Variants in LEKR1 observed in about 807,000 individuals in gnomAD.
LEKR1 encodes leucine, glutamate and lysine rich 1, also known as protein LEKR1.
In LEKR1, 59 loss-of-function variants were observed where a neutral mutation model predicts 72.4. The ratio of observed to expected loss-of-function variants is 0.82; its 90% confidence interval spans 0.66 to 1.01. The LOEUF (loss-of-function observed/expected upper bound fraction) is 1.01. Ranked by LOEUF, LEKR1 falls within the 50% of genes least tolerant of loss-of-function variation. The pLI is 0.00. For missense variants in LEKR1, 728 were observed against 759.2 expected (o/e 0.96, Z 0.48); for synonymous variants, 257 against 263.2 (o/e 0.98, Z 0.23).
chr3:156,988,395 G>C (rs1372873600), intron 7 of LEKR1: 1 of 224,788 alleles, frequency 4.4e-6, no homozygotes, highest in Non-Finnish European at 9.5e-6. Context: ...TGTGCGAGGG[G>C]ATCCCAGTCA....
At chr3:156,982,876 T>C (rs1730343203) in intron 7 of LEKR1, among the ~76,000 whole-genome samples, 1 of 150,290 alleles carries the variant, frequency 6.7e-6, no homozygotes, top group African/African-American at 2.4e-5. Context: ...GATAGATAGA[T>C]AGATAGATAG....
intron 3 of LEKR1, among the ~76,000 whole-genome samples, chr3:156,916,775 A>C (rs961062813): frequency 7.2e-5 from 11 of 152,128 alleles, no homozygotes; most frequent in Non-Finnish European, 1.3e-4. Flanking sequence ...TACTCTGGTC[A>C]GAACTTTCAA....
At chr3:156,948,898 G>C (rs1272337216) in intron 6 of LEKR1, among the ~76,000 whole-genome samples, 1 of 151,472 alleles carries the variant, frequency 6.6e-6, no homozygotes, top group Admixed American at 6.6e-5. Flanking sequence ...CACTTGATTT[G>C]CATTTCTGTA....
chr3:156,870,223 T>C (rs1276518349), intron 3 of LEKR1, among the ~76,000 whole-genome samples: 2 of 152,072 alleles, frequency 1.3e-5, no homozygotes, highest in African/African-American at 4.8e-5. Context: ...AAGATTTTTT[T>C]CTATCTCTGT....
chr3:157,025,491 C>T (rs1210537183), intron 11 of LEKR1, among the ~76,000 whole-genome samples: 2 of 151,782 alleles, frequency 1.3e-5, no homozygotes, highest in Non-Finnish European at 2.9e-5. Context: ...TTAATCAAGA[C>T]CTAGTGGGGA....
At chr3:156,914,342 T>A (rs62275798) in intron 3 of LEKR1, among the ~76,000 whole-genome samples, 4,821 of 152,148 alleles carry the variant, frequency 0.032, 114 homozygotes, top group Non-Finnish European at 0.047. Flanking sequence ...GGCCCTGGTG[T>A]GTGATGTTCC....
chr3:156,997,493 G>A (rs999069211), intron 9 of LEKR1, among the ~76,000 whole-genome samples: 1 of 152,080 alleles, frequency 6.6e-6, no homozygotes, highest in Non-Finnish European at 1.5e-5. Context: ...GGTTCAGTAG[G>A]TCTGGGTAGG....
At chr3:156,835,819 C>T (rs889803829) in intron 2 of LEKR1, among the ~76,000 whole-genome samples, 10 of 149,846 alleles carry the variant, frequency 6.7e-5, no homozygotes, top group South Asian at 2.1e-4. Context: ...CTTCCTTCCT[C>T]GCTCCCTCCC....
At chr3:156,955,658 C>T (rs1236507233) in intron 6 of LEKR1, among the ~76,000 whole-genome samples, 2 of 151,918 alleles carry the variant, frequency 1.3e-5, no homozygotes, top group African/African-American at 2.4e-5. Flanking sequence ...TATTGATTTG[C>T]ATATGTTTAA....
intron 2 of LEKR1, among the ~76,000 whole-genome samples, chr3:156,829,766 A>T (rs886383831): frequency 1.3e-5 from 2 of 152,214 alleles, no homozygotes; most frequent in Non-Finnish European, 2.9e-5. Flanking sequence ...TTTTATGCAG[A>T]TGACCCTTGA....
intron 2 of LEKR1, among the ~76,000 whole-genome samples, chr3:156,845,550 T>G (rs1269070720): frequency 1.3e-5 from 2 of 151,166 alleles, no homozygotes; most frequent in Admixed American, 1.3e-4. Flanking sequence ...AAAAAAAAAA[T>G]GTATGGATAT....
intron 12 of LEKR1, among the ~76,000 whole-genome samples, chr3:157,042,080 T>C (rs1735389396): frequency 6.6e-6 from 1 of 152,222 alleles, no homozygotes; most frequent in African/African-American, 2.4e-5. Flanking sequence ...GAATTGCCTA[T>C]TGAACAAAAC....
chr3:156,829,313 C>T lies in LEKR1; in HGVS notation c.-17C>T. On this transcript the variant is annotated 5_prime_UTR_variant, in exon 2 of 13. Coordinates refer to ENST00000356539, the MANE Select transcript of LEKR1 (RefSeq NM_001004316.3). ...TTCCTTTGGCTTCAAAGCTCTCTCA[C>T]CATATTTTGGGAAGTTATGGATCAT... The T allele has an allele frequency of 2.0e-6, 3 of 1,519,274 alleles. No homozygotes were observed. Among genetic ancestry groups the T allele is most frequent in the Non-Finnish European group, 2.6e-6 (3 of 1,132,388 alleles). 94.1% of individuals were successfully genotyped at this position (1,519,274 alleles called of 1,614,324 possible).
intron 4 of LEKR1, among the ~76,000 whole-genome samples, chr3:156,926,774 T>C (rs1417957643): frequency 6.6e-6 from 1 of 151,982 alleles, no homozygotes; most frequent in Non-Finnish European, 1.5e-5. Flanking sequence ...CTCTGCCTTA[T>C]AGATCTTAGT....
chr3:156,963,339 G>A (rs1728286515), intron 6 of LEKR1, among the ~76,000 whole-genome samples: 1 of 151,966 alleles, frequency 6.6e-6, no homozygotes, highest in Non-Finnish European at 1.5e-5. Context: ...ACCTACGTGG[G>A]CACACTCCTC....
At chr3:156,863,005 G>A (rs916181438) in intron 3 of LEKR1, among the ~76,000 whole-genome samples, 4 of 152,092 alleles carry the variant, frequency 2.6e-5, no homozygotes, top group African/African-American at 9.7e-5. Flanking sequence ...ATTTGAATAT[G>A]TCGACCTCAA....
intron 3 of LEKR1, among the ~76,000 whole-genome samples, chr3:156,900,015 C>G (rs1319187961): frequency 6.6e-6 from 1 of 152,058 alleles, no homozygotes; most frequent in Non-Finnish European, 1.5e-5. Context: ...TACAAAACAT[C>G]TGAAATCCAG....
intron 2 of LEKR1, among the ~76,000 whole-genome samples, chr3:156,851,381 C>T (rs1056894585): frequency 2.0e-5 from 3 of 152,248 alleles, no homozygotes; most frequent in African/African-American, 7.2e-5. Flanking sequence ...TCCTGAGAGA[C>T]ACAACTGGCA....
intron 6 of LEKR1, among the ~76,000 whole-genome samples, chr3:156,960,384 C>T (rs539099792): frequency 6.0e-4 from 92 of 152,248 alleles, no homozygotes; most frequent in African/African-American, 2.2e-3. Context: ...CTCCTGGATT[C>T]AAGTGATTCT....
Sources: gnomAD v4.1 joint callset for allele counts (sites outside exome capture counted in the v4.1 genomes callset) on GRCh38, gnomAD v4.1.1 for gene constraint, MANE v1.5 for transcripts, NCBI Gene and HGNC (gene_info 2026-07-23, HGNC 2026-07-21) for gene names.